RAPGEF5: variants seen among roughly 807,000 people sequenced by gnomAD.
The protein encoded by RAPGEF5 is Rap guanine nucleotide exchange factor 5, also known as M-Ras-regulated GEF.
A neutral mutation model predicts 125.2 loss-of-function variants in RAPGEF5; 65 were observed. The ratio of observed to expected loss-of-function variants is 0.52; its 90% CI spans 0.43 to 0.64. The LOEUF (loss-of-function observed/expected upper bound fraction) is 0.64, where lower values mean the gene tolerates loss of function less well. Ranked by LOEUF, RAPGEF5 falls within the 30% of genes least tolerant of loss-of-function variation. The pLI is 0.00. For synonymous variants in RAPGEF5, 391 were observed against 385.9 expected (o/e 1.01, Z -0.16); for missense variants, 958 against 1,048.1 (o/e 0.91, Z 1.19).
At chr7:22,208,404 T>C (rs1380186612) in intron 9 of RAPGEF5, among the ~76,000 whole-genome samples, 1 of 152,210 alleles carries the variant, frequency 6.6e-6, no homozygotes, top group African/African-American at 2.4e-5. Flanking sequence ...TCTTCACTAG[T>C]ATAACTCTTT....
Position 22,217,813 on chromosome 7 carries a change from C to A in RAPGEF5, c.996+2053G>T, listed in dbSNP as rs1785676555. ...ATGCACCCATGATATGACAGTCACG[C>A]AAGAAGTAAAAAATGTTAGTGTTCT... On this transcript the variant is annotated intron_variant, in intron 9 of 25. Transcript: ENST00000665637. Among the ~76,000 whole-genome samples, 4 of 152,058 alleles carry A rather than the reference C, an allele frequency of 2.6e-5. No individual in the cohort carries two copies. The South Asian group carries it at 8.3e-4, about 32-fold the overall frequency.
intron 7 of RAPGEF5, among the ~76,000 whole-genome samples, chr7:22,237,858 A>T (rs1786231704): frequency 6.6e-6 from 1 of 152,202 alleles, no homozygotes; most frequent in Non-Finnish European, 1.5e-5. Flanking sequence ...AACTGAACAA[A>T]GGTAGTCAAT....
chr7:22,230,930 A>G lies in RAPGEF5; in HGVS notation c.797-11T>C, dbSNP rs1259723262. 6.4e-6 allele frequency: 10 copies of G among 1,553,550 alleles called. No individual in the cohort carries two copies. The highest frequency in any genetic ancestry group is 2.0e-5 in the Admixed American group (1 of 51,224). On this transcript the variant is annotated splice_polypyrimidine_tract_variant and intron_variant, in intron 7 of 25. Transcript: ENST00000665637. ...CATCTTGTTCAATTGCTTAAAAAAA[A>G]GAACACCATTAAACAAATGTATCAT...
At chr7:22,156,920 A>G in intron 15 of RAPGEF5, 32 bp from the exon 16 acceptor site, 1 of 1,613,610 alleles carries the variant, frequency 6.2e-7, no homozygotes, top group Non-Finnish European at 8.5e-7. Flanking sequence ...ACAATGAATG[A>G]ATACATTCCT....
chr7:22,343,461 T>C (rs1784165834), intron 1 of RAPGEF5, among the ~76,000 whole-genome samples: 1 of 152,232 alleles, frequency 6.6e-6, no homozygotes, highest in African/African-American at 2.4e-5. Context: ...GTTTTGTCTT[T>C]ATATATTTCA....
intron 3 of RAPGEF5, among the ~76,000 whole-genome samples, chr7:22,313,979 T>C (rs1434263016): frequency 6.6e-6 from 1 of 152,222 alleles, no homozygotes; most frequent in African/African-American, 2.4e-5. Flanking sequence ...ACAGCAGATC[T>C]TGGAGCTTTT....
chr7:22,250,011 G>A (rs1786577736), intron 7 of RAPGEF5, among the ~76,000 whole-genome samples: 1 of 152,144 alleles, frequency 6.6e-6, no homozygotes, highest in African/African-American at 2.4e-5. Context: ...GTCAAGGGGG[G>A]ACTTTGATGC....
At chr7:22,324,471 T>C (rs1010854455) in intron 1 of RAPGEF5, among the ~76,000 whole-genome samples, 2 of 152,200 alleles carry the variant, frequency 1.3e-5, no homozygotes, top group East Asian at 1.9e-4. Flanking sequence ...GGATAAGTGC[T>C]GGTTTTGACA....
intron 20 of RAPGEF5, 104 bp from the exon 21 acceptor site, chr7:22,140,219 G>T: frequency 9.7e-7 from 1 of 1,033,046 alleles, no homozygotes. Flanking sequence ...CAGAGCTCAG[G>T]AATTCTGCTC....
chr7:22,139,505 C>T (rs1392515051), intron 21 of RAPGEF5, among the ~76,000 whole-genome samples: 4 of 152,214 alleles, frequency 2.6e-5, no homozygotes, highest in Non-Finnish European at 5.9e-5. Context: ...CTTGAGTGGG[C>T]CTCTGCATCT....
intron 5 of RAPGEF5, among the ~76,000 whole-genome samples, chr7:22,292,858 C>T (rs577510243): frequency 1.3e-5 from 2 of 152,348 alleles, no homozygotes; most frequent in African/African-American, 2.4e-5. Flanking sequence ...GTATTTTGCA[C>T]TAGCACAGAT....
In RAPGEF5 at chr7:22,145,104, A is replaced by G; in HGVS notation, c.2126T>C (p.Leu709Pro). The change falls in exon 20 of 26, where the codon CTC becomes CCC. Residue 709 changes from leucine to proline, a missense_variant. Leu to Pro is a moderately conservative substitution (Grantham distance 98). Coordinates refer to ENST00000665637, the MANE Select transcript of RAPGEF5 (RefSeq NM_012294.5). ...CACTCGCTTGCCCAGCTGGCTGCAG[A>G]GCAGAATCTCCGTGGCCACCCAAAG... is the stretch of plus-strand genomic sequence containing the variant. ...VQLWVATEIL[L>P]CSQLGKRVQL... is the part of the protein sequence containing the mutation. The G allele has an allele frequency of 1.2e-6, 2 of 1,613,898 alleles. No homozygotes were observed. Among genetic ancestry groups the G allele is most frequent in the Non-Finnish European group, 1.7e-6 (2 of 1,179,832 alleles).
chr7:22,147,463 C>T (rs777625702), intron 18 of RAPGEF5, among the ~76,000 whole-genome samples: 40 of 152,166 alleles, frequency 2.6e-4, no homozygotes, highest in Admixed American at 1.7e-3. Flanking sequence ...ACAGGAAATA[C>T]GTTTAGCAAG....
chr7:22,327,778 G>C (rs982110682), intron 1 of RAPGEF5, among the ~76,000 whole-genome samples: 1 of 152,202 alleles, frequency 6.6e-6, no homozygotes, highest in Non-Finnish European at 1.5e-5. Flanking sequence ...CCAAACTTCA[G>C]CATGCATCAG....
intron 3 of RAPGEF5, among the ~76,000 whole-genome samples, chr7:22,311,060 C>A (rs1783458502): frequency 6.6e-6 from 1 of 152,204 alleles, no homozygotes; most frequent in Non-Finnish European, 1.5e-5. Context: ...GGGTCATACT[C>A]TATCACCCAG....
At chr7:22,321,864 G>A (rs1041591734) in intron 1 of RAPGEF5, among the ~76,000 whole-genome samples, 5 of 152,210 alleles carry the variant, frequency 3.3e-5, no homozygotes, top group Non-Finnish European at 7.3e-5. Context: ...AAGCTGCCCA[G>A]TGGATTTTTA....
intron 9 of RAPGEF5, among the ~76,000 whole-genome samples, chr7:22,214,600 A>C (rs867149357): frequency 5.9e-5 from 9 of 152,214 alleles, no homozygotes; most frequent in Middle Eastern, 3.2e-3. Flanking sequence ...TAACTATTTT[A>C]CTGAAAATAA....
At chr7:22,135,042 T>C in intron 23 of RAPGEF5, among the ~76,000 whole-genome samples, 1 of 152,166 alleles carries the variant, frequency 6.6e-6, no homozygotes, top group East Asian at 1.9e-4. Flanking sequence ...CTCTGGCTGT[T>C]CTTGAGAGAA....
chr7:22,312,185 C>T (rs760420849), intron 3 of RAPGEF5, among the ~76,000 whole-genome samples: 9 of 151,722 alleles, frequency 5.9e-5, no homozygotes, highest in Non-Finnish European at 1.3e-4. Flanking sequence ...TGCGGTAAGA[C>T]TGGGTGGGAC....
Sources: gnomAD v4.1 joint callset for allele counts (sites outside exome capture counted in the v4.1 genomes callset) on GRCh38, gnomAD v4.1.1 for gene constraint, MANE v1.5 for transcripts, NCBI Gene and HGNC (gene_info 2026-07-23, HGNC 2026-07-21) for gene names.